Variants in FOXP2 observed in about 807,000 individuals in gnomAD.
FOXP2 encodes forkhead box protein P2.
Under a neutral mutation model 115.8 loss-of-function variants are expected in FOXP2, and 12 were observed. The observed-to-expected ratio is 0.10, with a 90% CI of 0.07 to 0.17. FOXP2 has a LOEUF of 0.17. Ranked by LOEUF, FOXP2 falls within the 10% of genes least tolerant of loss-of-function variation. The pLI is 1.00. For synonymous variants in FOXP2, 328 were observed against 297.7 expected, an observed-to-expected ratio of 1.10 and a Z score of -1.05; for missense variants, 629 against 843.5, an observed-to-expected ratio of 0.75 and a Z score of 3.15.
At chr7:114,212,711 A>AT (rs1340712893) in intron 1 of FOXP2, among the ~76,000 whole-genome samples, 1 of 152,224 alleles carries the variant, frequency 6.6e-6, no homozygotes, top group Non-Finnish European at 1.5e-5. Flanking sequence ...CTTAGAATAC[A>AT]TAAAACACAA....
At chr7:114,184,945 A>G (rs887631651) in intron 1 of FOXP2, among the ~76,000 whole-genome samples, 6 of 152,102 alleles carry the variant, frequency 3.9e-5, no homozygotes, top group Non-Finnish European at 7.3e-5. Context: ...TTGGTACTAC[A>G]TTTTCTGCCA....
chr7:114,354,575 T>C (rs1319186823), intron 2 of FOXP2, among the ~76,000 whole-genome samples: 1 of 152,086 alleles, frequency 6.6e-6, no homozygotes, highest in East Asian at 1.9e-4. Context: ...GGGGAACAGA[T>C]AAGCTTAAAT....
chr7:114,330,737 T>C (rs114434681), intron 2 of FOXP2, among the ~76,000 whole-genome samples: 1,803 of 152,038 alleles, frequency 0.012, 26 homozygotes, highest in African/African-American at 0.032. Context: ...TATTATTTAG[T>C]CTCAATAAAG....
rs994249609 is a variant in FOXP2, at chr7:114,288,779, C to T, written c.-11+670C>T. 1.3e-4 allele frequency among the ~76,000 whole-genome samples: 19 copies of T among 151,758 alleles called. No homozygotes were observed. The East Asian group carries it at 1.6e-3, about 12-fold the overall frequency. ...CTGTTGAACTGTAATATCAATCAAA[C>T]GGTTTGTCATGAGTATCCAAATTTA... On this transcript the variant is annotated intron_variant, in intron 2 of 17. Transcript: ENST00000634411.
chr7:114,447,968 A>G (rs1320439626), intron 2 of FOXP2, among the ~76,000 whole-genome samples: 1 of 152,188 alleles, frequency 6.6e-6, no homozygotes, highest in Non-Finnish European at 1.5e-5. Flanking sequence ...AAAGTTTAAG[A>G]TAGGTTAACC....
chr7:114,443,798 A>G (rs1794713201), intron 2 of FOXP2, among the ~76,000 whole-genome samples: 1 of 152,082 alleles, frequency 6.6e-6, no homozygotes, highest in Non-Finnish European at 1.5e-5. Flanking sequence ...TGTATGTACC[A>G]CATTTTCTTT....
rs186202769 is a variant in FOXP2, at chr7:114,183,182, A to G, written c.-102+20094A>G. 1.8e-4 allele frequency among the ~76,000 whole-genome samples: 27 copies of G among 152,292 alleles called. No homozygotes were observed. The East Asian group carries it at 4.6e-3, about 26-fold the overall frequency. On this transcript the variant is annotated intron_variant, in intron 1 of 17. Coordinates refer to the FOXP2 transcript ENST00000634411. ...GAGAAGTTGTTTAGAAATTAGCTTC[A>G]TATAATTTAAGTGTATTTTAAAGAT...
intron 2 of FOXP2, among the ~76,000 whole-genome samples, chr7:114,364,445 T>C (rs977749430): frequency 5.9e-5 from 9 of 152,188 alleles, no homozygotes; most frequent in African/African-American, 1.9e-4. Context: ...TTCGTCACCA[T>C]AGCTAGGAAA....
At chr7:114,178,077 A>G (rs2129154485) in intron 1 of FOXP2, among the ~76,000 whole-genome samples, 1 of 152,104 alleles carries the variant, frequency 6.6e-6, no homozygotes, top group African/African-American at 2.4e-5. Flanking sequence ...GTAAAGTGTA[A>G]TGATGCCTCT....
chr7:114,378,905 C>G (rs1647729536), intron 2 of FOXP2, among the ~76,000 whole-genome samples: 1 of 149,730 alleles, frequency 6.7e-6, no homozygotes, highest in Non-Finnish European at 1.5e-5. Context: ...ATAATTACAT[C>G]TTACTTTTTC....
chr7:114,341,534 G>T (rs1791217676), intron 2 of FOXP2, among the ~76,000 whole-genome samples: 1 of 151,242 alleles, frequency 6.6e-6, no homozygotes, highest in Non-Finnish European at 1.5e-5. Flanking sequence ...TCCCTAATAT[G>T]AACATCAAAT....
intron 3 of FOXP2, among the ~76,000 whole-genome samples, chr7:114,597,171 C>T (rs1315275377): frequency 6.6e-6 from 1 of 151,948 alleles, no homozygotes; most frequent in Non-Finnish European, 1.5e-5. Context: ...AAACAGTCAG[C>T]TTATTATATG....
intron 1 of FOXP2, among the ~76,000 whole-genome samples, chr7:114,100,460 T>G (rs957852555): frequency 1.3e-5 from 2 of 152,174 alleles, no homozygotes; most frequent in Non-Finnish European, 2.9e-5. Context: ...TGAAACTCAT[T>G]TTTTGATAAA....
chr7:114,219,040 C>T (rs143988578), intron 1 of FOXP2, among the ~76,000 whole-genome samples: 2 of 152,192 alleles, frequency 1.3e-5, no homozygotes, highest in East Asian at 3.9e-4. Flanking sequence ...AAGTGAAAGA[C>T]TAACTTAATA....
At chr7:114,370,260 C>T (rs895893892) in intron 2 of FOXP2, among the ~76,000 whole-genome samples, 6 of 152,156 alleles carry the variant, frequency 3.9e-5, no homozygotes, top group African/African-American at 1.4e-4. Context: ...GATGTACTTG[C>T]ATGGTTCATT....
intron 3 of FOXP2, among the ~76,000 whole-genome samples, chr7:114,567,993 C>T (rs1801107217): frequency 6.6e-6 from 1 of 151,990 alleles, no homozygotes; most frequent in Non-Finnish European, 1.5e-5. Flanking sequence ...AAGCATTTGC[C>T]TTTCAATAGA....
chr7:114,668,526 C>A (rs1454401580), intron 16 of FOXP2: 1 of 152,084 alleles, frequency 6.6e-6, no homozygotes, highest in East Asian at 1.9e-4. Context: ...AGGACTAGTC[C>A]TATTTTTTTC....
intron 2 of FOXP2, among the ~76,000 whole-genome samples, chr7:114,533,133 G>A (rs981113566): frequency 6.6e-6 from 1 of 151,864 alleles, no homozygotes; most frequent in Non-Finnish European, 1.5e-5. Context: ...GATGATTATC[G>A]TGAGTGAGTG....
At chr7:114,294,879 C>A (rs1169714764) in intron 2 of FOXP2, among the ~76,000 whole-genome samples, 36 of 150,006 alleles carry the variant, frequency 2.4e-4, no homozygotes, top group Admixed American at 4.0e-4. Context: ...TACATACATA[C>A]ATACATACAT....
Sources: gnomAD v4.1 joint callset for allele counts (sites outside exome capture counted in the v4.1 genomes callset) on GRCh38, gnomAD v4.1.1 for gene constraint, MANE v1.5 for transcripts, NCBI Gene and HGNC (gene_info 2026-07-23, HGNC 2026-07-21) for gene names.